TXLNB: variants seen among roughly 807,000 people sequenced by gnomAD.
The protein encoded by TXLNB is taxilin beta.
TXLNB carries 37 observed loss-of-function variants against 57.4 expected under a neutral mutation model. The ratio of observed to expected loss-of-function variants is 0.64; its 90% CI spans 0.50 to 0.85. The LOEUF (loss-of-function observed/expected upper bound fraction) is 0.85, where lower values mean the gene tolerates loss of function less well. Among genes scored for constraint, TXLNB ranks in the 40% least tolerant of loss-of-function variants. The pLI, the probability that TXLNB is intolerant of heterozygous loss-of-function variation, is 0.00. For synonymous variants in TXLNB, 302 were observed against 309.6 expected (o/e 0.98, Z 0.26); for missense variants, 848 against 825.6 (o/e 1.03, Z -0.33).
At chr6:139,285,916 G>C (rs1325818802) in intron 2 of TXLNB, among the ~76,000 whole-genome samples, 3 of 145,246 alleles carry the variant, frequency 2.1e-5, no homozygotes, top group Admixed American at 2.0e-4. Context: ...CCACGAGAGA[G>C]ATTTTACCCA....
chr6:139,288,294 T>A (rs1777222875), intron 2 of TXLNB, among the ~76,000 whole-genome samples, 182 bp downstream of exon 2: 1 of 152,270 alleles, frequency 6.6e-6, no homozygotes, highest in East Asian at 1.9e-4. Context: ...GGTAACACAC[T>A]GAAAAGTTCA....
At chr6:139,263,399 T>C (rs932185667) in intron 4 of TXLNB, among the ~76,000 whole-genome samples, 2 of 152,236 alleles carry the variant, frequency 1.3e-5, no homozygotes, top group Non-Finnish European at 2.9e-5. Context: ...GATATTATTT[T>C]GTTTTTGAAA....
In TXLNB at chr6:139,241,421, G is replaced by A. The variant is rs1329095528; in HGVS notation, c.*1105C>T. ...GCAGAAGCTTTTAGAATATAGAATG[G>A]GTCTGACAGCAAGAGATGAATATTA... On this transcript the variant is annotated 3_prime_UTR_variant, in exon 10 of 10. Coordinates refer to ENST00000358430, the MANE Select transcript of TXLNB (RefSeq NM_153235.4). 6.6e-6 allele frequency: 1 copy of A among 152,162 alleles called. No homozygotes were observed. Among genetic ancestry groups the A allele is most frequent in the Non-Finnish European group, 1.5e-5 (1 of 68,044 alleles). The allele number at this position is 152,162 out of a possible 1,614,324, so 9.4% of individuals were successfully genotyped here.
chr6:139,236,842 G>A (rs1775841458), downstream of TXLNB, among the ~76,000 whole-genome samples: 2 of 152,086 alleles, frequency 1.3e-5, no homozygotes, highest in African/African-American at 4.8e-5. Context: ...GAGCTCAAGT[G>A]ATCCTCCTGA....
chr6:139,243,058 A>T lies in TXLNB; in HGVS notation c.1523T>A (p.Met508Lys). 1.2e-6 allele frequency: 2 copies of T among 1,614,128 alleles called. No homozygotes were observed. Among genetic ancestry groups the T allele is most frequent in the Non-Finnish European group, 1.7e-6 (2 of 1,180,018 alleles). ...GGTTGACTCTGGATGATGAATTATC[A>T]TGAAGGCTGTGGCCAGATTTTTCAC... ...TAVKNLATAF[M>K]IIHHPESTPH... is the part of the protein sequence containing the mutation. The change falls in exon 10 of 10, where the codon ATG becomes AAG. Residue 508 changes from methionine (M) to lysine (K), a missense_variant. Transcript: ENST00000358430.
rs746145364 is a variant in TXLNB, at chr6:139,242,743, T to G, written c.1838A>C (p.Gln613Pro). 6.2e-7 allele frequency: 1 copy of G among 1,613,230 alleles called. No homozygotes were observed. The highest frequency in any genetic ancestry group is 2.2e-5 in the East Asian group (1 of 44,834). The change falls in exon 10 of 10, where the codon CAG (glutamine) becomes CCG (proline). Residue 613 changes from glutamine to proline, a missense_variant. Transcript: ENST00000358430. ...GGCCTCGGTGGGAGCCTGTGGGGCC[T>G]GACCGGAAGCTTCTGCCTCTGGCTT... is the stretch of plus-strand genomic sequence containing the variant. ...SWKPEAEASG[Q>P]APQAPTEASL...
the TXLNB span, among the ~76,000 whole-genome samples, chr6:139,205,342 G>A: frequency 6.6e-6 from 1 of 152,110 alleles, no homozygotes; most frequent in African/African-American, 2.4e-5. Context: ...GGCCAGGCTG[G>A]TCTCAAACTC....
chr6:139,202,987 T>C, the TXLNB span, among the ~76,000 whole-genome samples: 6 of 152,222 alleles, frequency 3.9e-5, no homozygotes, highest in Non-Finnish European at 5.9e-5. Context: ...TTTCACTTAA[T>C]ATCCTCTAAT....
chr6:139,307,004 G>A, the TXLNB span, among the ~76,000 whole-genome samples: 1 of 152,054 alleles, frequency 6.6e-6, no homozygotes, highest in South Asian at 2.1e-4. Flanking sequence ...TCTCTATTTG[G>A]ATCATTATTC....
chr6:139,315,806 T>TA, the TXLNB span, among the ~76,000 whole-genome samples: 11 of 152,288 alleles, frequency 7.2e-5, no homozygotes, highest in East Asian at 5.8e-4. Context: ...GCCAGCTTTT[T>TA]AAAAAATCAC....
intron 2 of TXLNB, among the ~76,000 whole-genome samples, chr6:139,280,918 T>C (rs1583025192): frequency 6.6e-6 from 1 of 152,308 alleles, no homozygotes; most frequent in African/African-American, 2.4e-5. Context: ...TCTATAGATA[T>C]CTTTTAAGGG....
chr6:139,259,737 C>T (rs565389601), intron 6 of TXLNB, among the ~76,000 whole-genome samples: 22 of 152,258 alleles, frequency 1.4e-4, no homozygotes, highest in African/African-American at 5.1e-4. Context: ...GTCTTGTTCA[C>T]GGCTATGTCC....
the TXLNB span, chr6:139,179,341 A>G: frequency 2.6e-5 from 4 of 152,180 alleles, no homozygotes. Context: ...GTTGTTCTGA[A>G]GCTTACAATT....
intron 6 of TXLNB, among the ~76,000 whole-genome samples, chr6:139,259,580 TCCCCTTCTTTGG>T (rs1419628041): frequency 6.6e-6 from 1 of 152,134 alleles, no homozygotes; most frequent in African/African-American, 2.4e-5. Context: ...CTAAAGTACG[TCCCCTTCTTTGG>T]CCCCTTCTCA....
chr6:139,264,653 G>A (rs959368183), intron 4 of TXLNB, among the ~76,000 whole-genome samples: 13 of 152,054 alleles, frequency 8.5e-5, no homozygotes, highest in Non-Finnish European at 1.5e-4. Flanking sequence ...TCCAACACCC[G>A]AGTTCAAGTG....
At chr6:139,206,694 G>C in the TXLNB span, among the ~76,000 whole-genome samples, 1 of 150,694 alleles carries the variant, frequency 6.6e-6, no homozygotes, top group African/African-American at 2.4e-5. Context: ...AAAAGATACA[G>C]AATGGCAGAA....
At chr6:139,300,096 C>A in the TXLNB span, among the ~76,000 whole-genome samples, 2 of 152,082 alleles carry the variant, frequency 1.3e-5, no homozygotes, top group Non-Finnish European at 2.9e-5. Context: ...TGTCATGAAG[C>A]CCCTCCTCCC....
At chr6:139,227,793 T>C in the TXLNB span, among the ~76,000 whole-genome samples, 1 of 152,096 alleles carries the variant, frequency 6.6e-6, no homozygotes, top group Non-Finnish European at 1.5e-5. Context: ...AAAGGATAAC[T>C]TCACAAAGTA....
chr6:139,193,241 C>CTTTTTTTTTTTTTTTTTTTTTTTT, the TXLNB span, among the ~76,000 whole-genome samples: 4 of 101,212 alleles, frequency 4.0e-5, no homozygotes, highest in South Asian at 3.2e-4. Context: ...CTTTGACCCT[C>CTTTTTTTTTTTTTTTTTTTTTTTT]TTTTTTTTTT....
Sources: gnomAD v4.1 joint callset for allele counts (sites outside exome capture counted in the v4.1 genomes callset) on GRCh38, gnomAD v4.1.1 for gene constraint, MANE v1.5 for transcripts, NCBI Gene and HGNC (gene_info 2026-07-23, HGNC 2026-07-21) for gene names.